SYT17: variants seen among roughly 807,000 people sequenced by gnomAD.
SYT17 encodes the protein synaptotagmin-17.
In SYT17, 22 loss-of-function variants were observed where a neutral mutation model predicts 46.7. The observed-to-expected ratio is 0.47, with a 90% CI of 0.34 to 0.67. SYT17 has a LOEUF of 0.67. SYT17 is among the 30% of genes least tolerant of loss of function. The pLI is 0.01. For synonymous variants in SYT17, 251 were observed against 248.4 expected (o/e 1.01, Z -0.10); for missense variants, 519 against 612.8 (o/e 0.85, Z 1.62).
At chr16:19,259,473 C>A (rs1968809649) in intron 7 of SYT17, among the ~76,000 whole-genome samples, 1 of 152,142 alleles carries the variant, frequency 6.6e-6, no homozygotes, top group Non-Finnish European at 1.5e-5. Flanking sequence ...GCCTCTTCAC[C>A]AAATGGTTCC....
chr16:19,233,372 C>T (rs1361081650), intron 7 of SYT17, among the ~76,000 whole-genome samples: 1 of 151,926 alleles, frequency 6.6e-6, no homozygotes, highest in Non-Finnish European at 1.5e-5. Context: ...GGGTTGGGGG[C>T]CAGGCACAGT....
intron 7 of SYT17, among the ~76,000 whole-genome samples, chr16:19,232,403 C>T (rs971477651): frequency 2.1e-4 from 32 of 152,108 alleles, no homozygotes; most frequent in African/African-American, 7.5e-4. Context: ...CAAGGTGGGC[C>T]TGGAATTCTG....
intron 6 of SYT17, 80 bp downstream of exon 6, chr16:19,223,245 G>A (rs1356371091): frequency 3.9e-6 from 6 of 1,543,940 alleles, no homozygotes; most frequent in East Asian, 2.3e-5. Flanking sequence ...TTCTTTTTCC[G>A]TATCCTGGAT....
At chr16:19,256,044 G>A (rs898696553) in intron 7 of SYT17, among the ~76,000 whole-genome samples, 8 of 152,190 alleles carry the variant, frequency 5.3e-5, no homozygotes, top group African/African-American at 1.7e-4. Context: ...CATGCTATCA[G>A]TGTGTGCCCT....
chr16:19,261,590 T>A (rs369161734), intron 7 of SYT17, among the ~76,000 whole-genome samples: 1 of 152,244 alleles, frequency 6.6e-6, no homozygotes, highest in African/African-American at 2.4e-5. Flanking sequence ...GTACTTTCTG[T>A]AAGAAGTTCA....
chr16:19,180,673 G>A (rs1418616767), intron 4 of SYT17, 134 bp downstream of exon 4: 24 of 1,019,648 alleles, frequency 2.4e-5, no homozygotes, highest in African/African-American at 4.7e-5. Context: ...GAGACAGGGC[G>A]AGAGAGAGAT....
At chr16:19,194,540 G>A (rs977664804) in intron 5 of SYT17, among the ~76,000 whole-genome samples, 28 of 152,178 alleles carry the variant, frequency 1.8e-4, no homozygotes, top group African/African-American at 6.5e-4. Flanking sequence ...CAGCCCCTGG[G>A]GCAGAGTAAA....
intron 7 of SYT17, among the ~76,000 whole-genome samples, chr16:19,264,451 G>C (rs193207793): frequency 6.6e-6 from 1 of 152,074 alleles, no homozygotes; most frequent in African/African-American, 2.4e-5. Flanking sequence ...AATTCTATGG[G>C]ATCAATTCCT....
At chr16:19,175,199 C>A (rs1227758645) in intron 3 of SYT17, among the ~76,000 whole-genome samples, 1 of 152,118 alleles carries the variant, frequency 6.6e-6, no homozygotes, top group Admixed American at 6.5e-5. Flanking sequence ...GTTTTATAAG[C>A]ATTTATTTCT....
chr16:19,172,043 C>G (rs970813660), intron 1 of SYT17: 2 of 153,630 alleles, frequency 1.3e-5, no homozygotes, highest in African/African-American at 4.8e-5. Flanking sequence ...CTGGGACATG[C>G]CCGAGGTTGG....
chr16:19,236,144 T>A (rs1242893650), intron 7 of SYT17, among the ~76,000 whole-genome samples: 1 of 152,130 alleles, frequency 6.6e-6, no homozygotes, highest in South Asian at 2.1e-4. Flanking sequence ...CAGAAAACAT[T>A]AGCAATTCAT....
At chr16:19,173,028 G>T (rs1417007062) in intron 2 of SYT17, 3 of 580,362 alleles carry the variant, frequency 5.2e-6, no homozygotes, top group African/African-American at 1.9e-5. Flanking sequence ...TCATGTCACC[G>T]AGATTTTTTA....
intron 7 of SYT17, 43 bp downstream of exon 7, chr16:19,224,881 G>A (rs536514440): frequency 3.3e-5 from 53 of 1,608,398 alleles, no homozygotes; most frequent in Middle Eastern, 1.8e-4. Flanking sequence ...GGTGAGGCAC[G>A]TCAAACTTAC....
intron 1 of SYT17, among the ~76,000 whole-genome samples, chr16:19,169,462 C>CT (rs1304529827): frequency 6.6e-6 from 1 of 152,226 alleles, no homozygotes; most frequent in African/African-American, 2.4e-5. Context: ...GCTTCTGGCG[C>CT]TGGCGCCTCT....
intron 6 of SYT17, 137 bp from the exon 7 acceptor site, chr16:19,224,546 T>A (rs1966432832): frequency 1.1e-6 from 1 of 918,050 alleles, no homozygotes; most frequent in East Asian, 2.6e-5. Flanking sequence ...ATGAGATGAA[T>A]GAAAAGTTGA....
Position 19,192,336 on chromosome 16 carries a change from G to A in SYT17, c.951+8189G>A, listed in dbSNP as rs764993394. Among the ~76,000 whole-genome samples, 12 of 152,120 alleles carry A rather than the reference G, an allele frequency of 7.9e-5. No homozygotes were observed. In the South Asian group the frequency reaches 1.0e-3, roughly 13 times the overall value. The stretch of plus-strand genomic sequence containing the variant: ...CTCGGGAAGCTGAGGCATGAGAATC[G>A]CTTGAATCCGGGAGACAGAGGCTGC... On this transcript the variant is annotated intron_variant, in intron 5 of 7. Coordinates refer to ENST00000355377, the MANE Select transcript of SYT17 (RefSeq NM_016524.4).
chr16:19,253,736 T>C (rs1437561069), intron 7 of SYT17, among the ~76,000 whole-genome samples: 4 of 152,186 alleles, frequency 2.6e-5, no homozygotes, highest in African/African-American at 7.2e-5. Context: ...TCTCTTTTTT[T>C]TTCTTCTTGA....
intron 5 of SYT17, among the ~76,000 whole-genome samples, chr16:19,209,216 GA>G (rs1239412337): frequency 6.6e-6 from 1 of 152,016 alleles, no homozygotes; most frequent in Non-Finnish European, 1.5e-5. Context: ...CTGGGGGTTG[GA>G]AATTAAATAT....
intron 7 of SYT17, among the ~76,000 whole-genome samples, chr16:19,226,252 A>G (rs1453319120): frequency 6.6e-6 from 1 of 152,128 alleles, no homozygotes; most frequent in African/African-American, 2.4e-5. Flanking sequence ...CAAGGGATCT[A>G]TATTTCCTCA....
Sources: gnomAD v4.1 joint callset for allele counts (sites outside exome capture counted in the v4.1 genomes callset) on GRCh38, gnomAD v4.1.1 for gene constraint, MANE v1.5 for transcripts, NCBI Gene and HGNC (gene_info 2026-07-23, HGNC 2026-07-21) for gene names.